Variants in DDX24 observed in about 807,000 individuals in gnomAD.
DDX24 encodes the protein DEAD-box helicase 24, also known as ATP-dependent RNA helicase DDX24.
DDX24 carries 24 observed loss-of-function variants against 68.9 expected under a neutral mutation model. The ratio of observed to expected loss-of-function variants is 0.35; its 90% CI spans 0.25 to 0.49. The LOEUF is 0.49. DDX24 is among the 20% of genes least tolerant of loss of function. The pLI is 0.99. For missense variants in DDX24, 989 were observed against 1,039.0 expected (o/e 0.95, Z 0.66); for synonymous variants, 395 against 385.2 (o/e 1.03, Z -0.30).
Position 94,079,588 on chromosome 14 carries a change from T to A in DDX24, c.155A>T (p.Glu52Val), listed in dbSNP as rs937608351. 8 of 1,614,192 alleles carry A rather than the reference T, an allele frequency of 5.0e-6. No homozygotes were observed. The highest frequency in any genetic ancestry group is 6.8e-6 in the Non-Finnish European group (8 of 1,180,036). ...GGAGACCAACTGGTAATCTGTCAAT[T>A]CCTCAAAGCACACCAAGTCATCCAT... ...GQMDDLVCFE[E>V]LTDYQLVSPA... is the part of the protein sequence containing the mutation. The change falls in exon 2 of 9, where the codon GAA (glutamate) becomes GTA (valine). Residue 52 changes from glutamate (E) to valine (V), a missense_variant. Glu to Val is a moderately radical substitution (Grantham distance 121). Transcript: ENST00000621632.
At chr14:94,077,300 T>A (rs1411837534) in intron 2 of DDX24, among the ~76,000 whole-genome samples, 1 of 152,230 alleles carries the variant, frequency 6.6e-6, no homozygotes, top group African/African-American at 2.4e-5. Flanking sequence ...CTTATCCAAG[T>A]CGTTTTGAAT....
rs1174531698 is a variant in DDX24 at position 94,073,150 on chromosome 14, A to G, written c.718+5875T>C. ...ACCCAGGATGGAGTGCAGTGGCACA[A>G]TCTCAGCTCACTGCAACCTCCGCCC... On this transcript the variant is annotated intron_variant, in intron 2 of 8. Coordinates refer to ENST00000621632, the MANE Select transcript of DDX24 (RefSeq NM_020414.4). Among the ~76,000 whole-genome samples the G allele has an allele frequency of 5.3e-5, 8 of 150,258 alleles. No individual in the cohort carries two copies. In the East Asian group the frequency reaches 1.4e-3, roughly 26 times the overall value.
chr14:94,076,476 T>C (rs1037683734), intron 2 of DDX24, among the ~76,000 whole-genome samples: 1 of 151,462 alleles, frequency 6.6e-6, no homozygotes, highest in African/African-American at 2.4e-5. Flanking sequence ...AGGGCAGGAG[T>C]TTGCGACCAG....
Position 94,051,241 on chromosome 14 carries a change from G to A in DDX24, c.2530C>T (p.Pro844Ser), listed in dbSNP as rs769540436. The A allele has an allele frequency of 2.1e-5, 34 of 1,591,658 alleles. No homozygotes were observed. In the East Asian group the frequency reaches 6.5e-4, roughly 31 times the overall value. Residue 844 changes from proline (P) to serine (S), a missense_variant, in exon 9 of 9, where the codon CCG (proline) becomes TCG (serine). By Grantham distance (74) the Pro-to-Ser change is moderately conservative. Around this residue, in one of 3 missense-constraint regions of DDX24, gnomAD observed 691 missense variants for 760.0 expected, o/e 0.91. Transcript: ENST00000621632. ...GGCTGTTCCGGCTGTGGCTCCTTCGGCTTCTTTGTCTTCTTCTTCTTCTGC... is the reference window on the plus strand; with the variant it reads ...GGCTGTTCCGGCTGTGGCTCCTTCGACTTCTTTGTCTTCTTCTTCTTCTGC... ...SKQKKKKTKK[P>S]KEPQPEQPQP...
At chr14:94,080,552 G>A (rs1886052630) in intron 1 of DDX24, among the ~76,000 whole-genome samples, 1 of 152,060 alleles carries the variant, frequency 6.6e-6, no homozygotes, top group Admixed American at 6.5e-5. Context: ...TCTGCACAAT[G>A]GGAAAAACGA....
chr14:94,066,961 C>T (rs1193996787), intron 2 of DDX24, among the ~76,000 whole-genome samples: 2 of 152,138 alleles, frequency 1.3e-5, no homozygotes. Flanking sequence ...CATACTAGTT[C>T]ACCAGCAATG....
At chr14:94,061,545 T>C (rs573590721) in intron 3 of DDX24, among the ~76,000 whole-genome samples, 1 of 152,316 alleles carries the variant, frequency 6.6e-6, no homozygotes, top group South Asian at 2.1e-4. Flanking sequence ...GGCTTAGCAA[T>C]AGTAACAACT....
At position 94,062,115 on chromosome 14, in the gene DDX24, C is replaced by A; in HGVS notation, c.1225G>T (p.Ala409Ser). The A allele has an allele frequency of 6.2e-7, 1 of 1,611,406 alleles. No homozygotes were observed. Among genetic ancestry groups the A allele is most frequent in the East Asian group, 2.2e-5 (1 of 44,802 alleles). Reference sequence around the variant, plus strand: ...ACCTCACCTGTAAACCTGGCCACAGCATCAATGTGCTGTTTGACCTGGACG... The same window carrying A: ...ACCTCACCTGTAAACCTGGCCACAGAATCAATGTGCTGTTTGACCTGGACG... Reference protein sequence around the residue: ...LAVQVKQHIDAVARFTGIKTA... With the variant: ...LAVQVKQHIDSVARFTGIKTA... Residue 409 changes from alanine to serine, a missense_variant, in exon 3 of 9, where the codon GCT (alanine) becomes TCT (serine). Around this residue, in one of 3 missense-constraint regions of DDX24, gnomAD observed 691 missense variants for 760.0 expected, o/e 0.91. Transcript: ENST00000621632.
Position 94,067,511 on chromosome 14 carries a change from T to A in DDX24, c.719-4890A>T, listed in dbSNP as rs1595377782. On this transcript the variant is annotated intron_variant, in intron 2 of 8. Transcript: ENST00000621632. ...ACCTGGGAAATTCACTGCAAAAAGA[T>A]CTTCACCTAGGCACACTGTCATTAG... Among the ~76,000 whole-genome samples, 6 of 152,110 alleles carry A rather than the reference T, an allele frequency of 3.9e-5. No individual in the cohort carries two copies. In the South Asian group the frequency reaches 1.2e-3, roughly 32 times the overall value.
At position 94,060,420 on chromosome 14, in the gene DDX24, T is replaced by C. The variant is rs1885570980; in HGVS notation, c.1591A>G (p.Lys531Glu). ...LHKKHTKKMD[K>E]TAKLDLLMQK... ...ATAAGGAGGTCAAGTTTGGCTGTTT[T>C]ATCCATTTTCTTGGTGTGCTTCTTA... The change falls in exon 5 of 9, where the codon AAA (lysine) becomes GAA (glutamate). Residue 531 changes from lysine (K) to glutamate (E), a missense_variant. Transcript: ENST00000621632. 2 of 1,614,084 alleles carry C rather than the reference T, an allele frequency of 1.2e-6. No individual in the cohort carries two copies. Among genetic ancestry groups the C allele is most frequent in the African/African-American group, 1.3e-5 (1 of 74,928 alleles).
In DDX24 at chr14:94,061,169, AGT is replaced by A; in HGVS notation, c.1244-105_1244-104del. 2.2e-6 allele frequency: 3 copies of A among 1,345,278 alleles called. No individual in the cohort carries two copies. The Middle Eastern group carries it at 5.6e-4, about 249-fold the overall frequency. The allele number at this position is 1,345,278 out of a possible 1,614,324, so 83.3% of individuals were successfully genotyped here. Reference sequence around the variant, plus strand: ...GATTAGCAGAGACAGACATCAGCACAGTGTAATGCCCTAGAGCATTGCTAAAA... The same window carrying A: ...GATTAGCAGAGACAGACATCAGCACAGTAATGCCCTAGAGCATTGCTAAAA... On this transcript the variant is annotated intron_variant, in intron 3 of 8. Transcript: ENST00000621632.
chr14:94,053,606 G>A (rs1211048899), intron 7 of DDX24, among the ~76,000 whole-genome samples: 1 of 151,984 alleles, frequency 6.6e-6, no homozygotes, highest in African/African-American at 2.4e-5. Flanking sequence ...CCTGAGGTCA[G>A]GAGTTCAAGA....
chr14:94,073,571 CA>C (rs140376666), intron 2 of DDX24, among the ~76,000 whole-genome samples: 2 of 150,208 alleles, frequency 1.3e-5, no homozygotes, highest in Admixed American at 6.6e-5. Flanking sequence ...CATTTTAGAA[CA>C]AAAAAAAATT....
At chr14:94,067,748 G>A (rs1314604237) in intron 2 of DDX24, among the ~76,000 whole-genome samples, 1 of 152,160 alleles carries the variant, frequency 6.6e-6, no homozygotes, top group East Asian at 1.9e-4. Flanking sequence ...CATCATATAT[G>A]AAGGAAAGAT....
In DDX24 at chr14:94,080,600, A is replaced by C. The variant is rs552735132; in HGVS notation, c.-6+519T>G. Among the ~76,000 whole-genome samples, 33 of 152,252 alleles carry C rather than the reference A, an allele frequency of 2.2e-4. No individual in the cohort carries two copies. In the East Asian group the frequency reaches 6.4e-3, roughly 29 times the overall value. On this transcript the variant is annotated intron_variant, in intron 1 of 8. Coordinates refer to ENST00000621632, the MANE Select transcript of DDX24 (RefSeq NM_020414.4). ...CACAGAATCCTTATACGCCACTACGAAAAAGTGACGCACGTCAAAAAAAAC... is the reference window on the plus strand; with the variant it reads ...CACAGAATCCTTATACGCCACTACGCAAAAGTGACGCACGTCAAAAAAAAC...
rs1389981714 is a variant in DDX24, at chr14:94,050,505, C to T, written c.*686G>A. 2.0e-5 allele frequency: 3 copies of T among 152,396 alleles called. No homozygotes were observed. The highest frequency in any genetic ancestry group is 1.9e-4 in the East Asian group (1 of 5,200). The allele number at this position is 152,396 out of a possible 1,614,324, so 9.4% of individuals were successfully genotyped here. On this transcript the variant is annotated 3_prime_UTR_variant, in exon 9 of 9. Transcript: ENST00000621632. Reference sequence around the variant, plus strand: ...GTGGGCAGGAGCCTGCTCTGTCAAACAGGAGGGAGTGGAGACAAGGCTGGG... The same window carrying T: ...GTGGGCAGGAGCCTGCTCTGTCAAATAGGAGGGAGTGGAGACAAGGCTGGG...
At chr14:94,078,896 AAC>A in intron 2 of DDX24, 127 bp downstream of exon 2, 1 of 1,037,834 alleles carries the variant, frequency 9.6e-7, no homozygotes, top group Non-Finnish European at 1.4e-6. Flanking sequence ...CTGACTTCTA[AAC>A]ACCTTTATTC....
chr14:94,075,792 G>A (rs1053718091), intron 2 of DDX24, among the ~76,000 whole-genome samples: 1 of 152,130 alleles, frequency 6.6e-6, no homozygotes, highest in African/African-American at 2.4e-5. Flanking sequence ...AATACACAAT[G>A]AACTCCCAAA....
rs770840846 is a variant in DDX24, at chr14:94,079,137, C to T, written c.606G>A (p.Pro202=). 65 of 1,614,070 alleles carry T rather than the reference C, an allele frequency of 4.0e-5. No homozygotes were observed. The South Asian group carries it at 5.4e-4, about 13-fold the overall frequency. ...CTAGAAAGCTGAGTGCTCGGAGAAC[C>T]GGCCTGGGAACAAACAGGTCCTTCC... ...SAWKDLFVPR[P]VLRALSFLGF... Residue 202 remains proline (P), a synonymous_variant, in exon 2 of 9, where the codon CCG becomes CCA. Transcript: ENST00000621632.
Sources: allele counts gnomAD v4.1 joint callset (sites outside exome capture counted in the v4.1 genomes callset), GRCh38; gene constraint gnomAD v4.1.1; regional missense constraint gnomAD v4.1.1; transcripts MANE v1.5; gene names NCBI Gene and HGNC (gene_info 2026-07-23, HGNC 2026-07-21).